Variants in PCDHA2 observed in about 807,000 individuals in gnomAD.
PCDHA2 encodes the protein protocadherin alpha 2, also known as protocadherin alpha-2.
PCDHA2 carries 58 observed loss-of-function variants against 66.0 expected under a neutral mutation model. That is an observed-to-expected ratio of 0.88 (90% CI 0.71 to 1.09). PCDHA2 has a LOEUF of 1.09. PCDHA2 is among the 50% of genes least tolerant of loss of function. PCDHA2 has a pLI of 0.00. For synonymous variants in PCDHA2, 634 were observed against 554.0 expected (o/e 1.14, Z -2.03); for missense variants, 1,267 against 1,242.3 (o/e 1.02, Z -0.30).
intron 1 of PCDHA2, among the ~76,000 whole-genome samples, chr5:140,908,919 G>T (rs781892541): frequency 1.3e-5 from 2 of 152,158 alleles, no homozygotes; most frequent in Non-Finnish European, 2.9e-5. Context: ...TGTAGGAGGG[G>T]CCAAATGCAG....
At chr5:140,843,940 T>G in intron 1 of PCDHA2, 1 of 573,966 alleles carries the variant, frequency 1.7e-6, no homozygotes, top group East Asian at 2.9e-5. Context: ...TATGGTTGGA[T>G]GATATCCATT....
intron 1 of PCDHA2, among the ~76,000 whole-genome samples, chr5:140,911,559 C>T (rs2075532280): frequency 6.6e-6 from 1 of 152,168 alleles, no homozygotes; most frequent in Non-Finnish European, 1.5e-5. Flanking sequence ...CATTTTCTTT[C>T]ATCACTTTGT....
intron 1 of PCDHA2, among the ~76,000 whole-genome samples, chr5:140,888,357 G>C (rs2061799918): frequency 6.6e-6 from 1 of 152,138 alleles, no homozygotes; most frequent in Non-Finnish European, 1.5e-5. Flanking sequence ...ATTGCTACTG[G>C]CATCTAATAA....
At chr5:140,811,157 CA>C (rs1456455973) in intron 1 of PCDHA2, 1 of 152,232 alleles carries the variant, frequency 6.6e-6, no homozygotes, top group Non-Finnish European at 1.5e-5. Flanking sequence ...ATCCCTCCCC[CA>C]GTCCCCCACA....
intron 1 of PCDHA2, among the ~76,000 whole-genome samples, chr5:140,838,565 A>G (rs1275372671): frequency 2.0e-5 from 3 of 151,890 alleles, no homozygotes; most frequent in South Asian, 4.2e-4. Context: ...CCAGTACTGT[A>G]TTAGGGACAT....
At chr5:141,007,991 A>G (rs1276879326) in intron 3 of PCDHA2, among the ~76,000 whole-genome samples, 1 of 152,234 alleles carries the variant, frequency 6.6e-6, no homozygotes, top group Non-Finnish European at 1.5e-5. Context: ...TATGAAATGT[A>G]CATGTTAATA....
intron 1 of PCDHA2, chr5:140,823,200 G>A (rs782300016): frequency 5.0e-6 from 8 of 1,613,750 alleles, no homozygotes; most frequent in Non-Finnish European, 6.8e-6. Context: ...ACATCTTCAC[G>A]GTGTCTGCAC....
At chr5:140,906,403 T>A (rs1583592944) in intron 1 of PCDHA2, among the ~76,000 whole-genome samples, 1 of 152,220 alleles carries the variant, frequency 6.6e-6, no homozygotes, top group East Asian at 1.9e-4. Context: ...AATTTTCATA[T>A]GAAGTCAATA....
chr5:140,982,998 GAAAGAA>G (rs1469608645), intron 3 of PCDHA2, among the ~76,000 whole-genome samples: 10 of 151,726 alleles, frequency 6.6e-5, no homozygotes, highest in Admixed American at 5.2e-4. Context: ...AAGAAGGAAA[GAAAGAA>G]AAAGGAAGGA....
chr5:140,807,918 G>A, intron 1 of PCDHA2: 1 of 1,614,094 alleles, frequency 6.2e-7, no homozygotes, highest in Non-Finnish European at 8.5e-7. Flanking sequence ...GCTTTTGACA[G>A]AACCATTTAT....
intron 1 of PCDHA2, among the ~76,000 whole-genome samples, chr5:140,974,406 T>C (rs903349256): frequency 3.9e-5 from 6 of 152,226 alleles, no homozygotes; most frequent in Non-Finnish European, 8.8e-5. Flanking sequence ...GTTCTAAAGT[T>C]ATGTTTATTT....
At chr5:140,920,425 C>T (rs1444166830) in intron 1 of PCDHA2, among the ~76,000 whole-genome samples, 1 of 151,960 alleles carries the variant, frequency 6.6e-6, no homozygotes, top group Non-Finnish European at 1.5e-5. Flanking sequence ...GCTGTTCTCC[C>T]ACACACCTCT....
intron 1 of PCDHA2, chr5:140,823,093 G>A (rs2150122208): frequency 6.2e-7 from 1 of 1,614,058 alleles, no homozygotes; most frequent in South Asian, 1.1e-5. Flanking sequence ...CACCGCCAGC[G>A]TGTCTGTGGA....
At chr5:140,840,247 T>C (rs1554137745) in intron 1 of PCDHA2, among the ~76,000 whole-genome samples, 1 of 152,032 alleles carries the variant, frequency 6.6e-6, no homozygotes, top group African/African-American at 2.4e-5. Context: ...CACTATGCTA[T>C]AAAAATTGTG....
intron 1 of PCDHA2, chr5:140,966,770 G>C: frequency 2.0e-6 from 3 of 1,500,088 alleles, no homozygotes; most frequent in Non-Finnish European, 2.7e-6. Flanking sequence ...AGTGGCTATG[G>C]AGCAGGCGGG....
At chr5:140,863,489 C>A in intron 1 of PCDHA2, 1 of 450,994 alleles carries the variant, frequency 2.2e-6, no homozygotes, top group Non-Finnish European at 4.4e-6. Flanking sequence ...CCAAGGTCAA[C>A]ATTACGGCTT....
At chr5:140,863,799 G>A (rs1246230954) in intron 1 of PCDHA2, 10 of 212,460 alleles carry the variant, frequency 4.7e-5, no homozygotes, top group Non-Finnish European at 8.6e-5. Context: ...AGGAGTTTGA[G>A]ACCAGCCTGG....
intron 3 of PCDHA2, among the ~76,000 whole-genome samples, chr5:140,984,162 C>A (rs2097089666): frequency 6.6e-6 from 1 of 152,150 alleles, no homozygotes; most frequent in Non-Finnish European, 1.5e-5. Context: ...GAGAACTTCC[C>A]AAAGAAGCCA....
intron 1 of PCDHA2, chr5:140,848,196 A>T: frequency 3.3e-6 from 1 of 307,634 alleles, no homozygotes. Context: ...CTTCTGTTTC[A>T]ACAATCATTA....
Sources: allele counts gnomAD v4.1 joint callset (sites outside exome capture counted in the v4.1 genomes callset), GRCh38; gene constraint gnomAD v4.1.1; transcripts MANE v1.5; gene names NCBI Gene and HGNC (gene_info 2026-07-23, HGNC 2026-07-21).